Variants in VWA8 observed in about 807,000 individuals in gnomAD.
VWA8 encodes von Willebrand factor A domain-containing protein 8.
VWA8 carries 221 observed loss-of-function variants against 241.5 expected under a neutral mutation model. The ratio of observed to expected loss-of-function variants is 0.91; its 90% confidence interval spans 0.82 to 1.02. VWA8 has a LOEUF of 1.02. VWA8 is among the 50% of genes least tolerant of loss of function. The pLI is 0.00. For missense variants in VWA8, 2,322 were observed against 2,328.7 expected (o/e 1.00, Z 0.06); for synonymous variants, 852 against 827.1 (o/e 1.03, Z -0.52).
At chr13:41,764,184 A>G (rs2045762812) in intron 20 of VWA8, among the ~76,000 whole-genome samples, 2 of 152,194 alleles carry the variant, frequency 1.3e-5, no homozygotes, top group Admixed American at 1.3e-4. Flanking sequence ...AAAGAATGCT[A>G]GAAGATTTTT....
intron 9 of VWA8, among the ~76,000 whole-genome samples, chr13:41,881,881 C>T (rs1433384071): frequency 4.9e-5 from 7 of 143,980 alleles, no homozygotes; most frequent in East Asian, 2.2e-4. Flanking sequence ...CCCTCCCGGA[C>T]GGGGCGGCTG....
At chr13:41,763,002 T>G (rs564034844) in intron 20 of VWA8, among the ~76,000 whole-genome samples, 1 of 152,154 alleles carries the variant, frequency 6.6e-6, no homozygotes, top group East Asian at 1.9e-4. Flanking sequence ...GGCGCATGAC[T>G]CACACCAGTA....
intron 20 of VWA8, 68 bp from the exon 21 acceptor site, chr13:41,761,272 G>T: frequency 1.3e-6 from 2 of 1,481,986 alleles, no homozygotes; most frequent in Non-Finnish European, 1.9e-6. Flanking sequence ...TGCCAAATCA[G>T]AAGAATCTTT....
At chr13:41,791,114 G>GT (rs201603955) in intron 17 of VWA8, among the ~76,000 whole-genome samples, 9,356 of 149,778 alleles carry the variant, frequency 0.062, 357 homozygotes, top group East Asian at 0.11. Flanking sequence ...TATAAAATGA[G>GT]TTTTTTTTTT....
At chr13:41,859,894 A>G (rs552139650) in intron 12 of VWA8, among the ~76,000 whole-genome samples, 1 of 152,346 alleles carries the variant, frequency 6.6e-6, no homozygotes, top group South Asian at 2.1e-4. Flanking sequence ...AAGTCTCCAC[A>G]TCTTCTAGGA....
intron 37 of VWA8, among the ~76,000 whole-genome samples, chr13:41,666,548 G>C (rs2044987654): frequency 1.3e-5 from 2 of 152,048 alleles, no homozygotes; most frequent in African/African-American, 2.4e-5. Context: ...AAATACTTAG[G>C]AATTTTTCAA....
intron 40 of VWA8, among the ~76,000 whole-genome samples, chr13:41,593,797 C>A (rs1051238595): frequency 1.3e-5 from 2 of 152,064 alleles, no homozygotes; most frequent in Non-Finnish European, 2.9e-5. Context: ...ACTGGGAAAA[C>A]CAGCACTGAA....
rs553223845 is a variant in VWA8 at position 41,949,328 on chromosome 13, A to T, written c.241+608T>A. Among the ~76,000 whole-genome samples, 9 of 152,290 alleles carry T rather than the reference A, an allele frequency of 5.9e-5. No homozygotes were observed. In the South Asian group the frequency reaches 1.9e-3, roughly 32 times the overall value. On this transcript the variant is annotated intron_variant, in intron 2 of 44. Coordinates refer to ENST00000379310, the MANE Select transcript of VWA8 (RefSeq NM_015058.2). ...TGATGAGTTCATGTCCTTTGCAGGG[A>T]CATGGATGAAACTGGAAACCATCAT...
Position 41,908,231 on chromosome 13 carries a change from C to T in VWA8, c.373-535G>A, listed in dbSNP as rs577164995. ...CTGTAATCCCAGCACTTTGGGAGGC[C>T]GAAGTGGGCAGATCACTTGAGGTCA... On this transcript the variant is annotated intron_variant, in intron 3 of 44. Transcript: ENST00000379310. Among the ~76,000 whole-genome samples the T allele has an allele frequency of 4.0e-4, 61 of 152,196 alleles. 1 individual carries two copies. In the South Asian group the frequency reaches 0.012, roughly 31 times the overall value.
intron 39 of VWA8, among the ~76,000 whole-genome samples, chr13:41,610,732 T>A (rs904348910): frequency 1.3e-5 from 2 of 152,252 alleles, no homozygotes; most frequent in Admixed American, 1.3e-4. Flanking sequence ...CCCAAACTAC[T>A]ACCAGGTCCT....
chr13:41,908,191 C>G (rs188702914), intron 3 of VWA8, among the ~76,000 whole-genome samples: 6 of 152,250 alleles, frequency 3.9e-5, no homozygotes, highest in Admixed American at 3.9e-4. Flanking sequence ...ATCAGCTGGG[C>G]GCTGTGGCTC....
intron 12 of VWA8, among the ~76,000 whole-genome samples, chr13:41,835,547 C>T (rs536933530): frequency 3.6e-4 from 55 of 152,210 alleles, no homozygotes; most frequent in African/African-American, 1.3e-3. Flanking sequence ...GAGACAGTCA[C>T]GACATTCCTC....
intron 37 of VWA8, among the ~76,000 whole-genome samples, chr13:41,619,426 T>C (rs1440708258): frequency 6.6e-6 from 1 of 152,224 alleles, no homozygotes; most frequent in African/African-American, 2.4e-5. Context: ...CAGGGACAAT[T>C]TGACTTCCTC....
intron 37 of VWA8, among the ~76,000 whole-genome samples, chr13:41,648,598 T>G (rs2044848233): frequency 6.6e-6 from 1 of 152,220 alleles, no homozygotes; most frequent in South Asian, 2.1e-4. Context: ...TAAAAGGTCC[T>G]GAACAATAGC....
intron 17 of VWA8, among the ~76,000 whole-genome samples, chr13:41,794,929 CA>C (rs1166863390): frequency 6.6e-6 from 1 of 151,702 alleles, no homozygotes; most frequent in Non-Finnish European, 1.5e-5. Flanking sequence ...GCAATTGCAT[CA>C]AAAGAAAAAA....
rs1017994312 is a variant in VWA8 at position 41,865,354 on chromosome 13, A to G, written c.1425+382T>C. 5 of 376,352 alleles carry G rather than the reference A, an allele frequency of 1.3e-5. No homozygotes were observed. In the East Asian group the frequency reaches 2.7e-4, roughly 20 times the overall value. The allele number at this position is 376,352 out of a possible 1,614,324, so 23.3% of individuals were successfully genotyped here. A position where few individuals can be genotyped will look rare whatever the true frequency, so the allele number is the denominator to read the frequency against. On this transcript the variant is annotated intron_variant, in intron 12 of 44. Transcript: ENST00000379310. ...TATTAACTACTAGCTATTTTAAAATATACAATAGATTATTGTCTACTATAG... is the reference window on the plus strand; with the variant it reads ...TATTAACTACTAGCTATTTTAAAATGTACAATAGATTATTGTCTACTATAG...
chr13:41,792,244 AT>A (rs59656678), intron 17 of VWA8, among the ~76,000 whole-genome samples: 9,285 of 151,914 alleles, frequency 0.061, 352 homozygotes, highest in East Asian at 0.11. Flanking sequence ...TGCTTTCTTA[AT>A]CAAAAATCAT....
chr13:41,639,236 C>G (rs763464379), intron 37 of VWA8, among the ~76,000 whole-genome samples: 56 of 151,668 alleles, frequency 3.7e-4, no homozygotes, highest in Non-Finnish European at 6.5e-4. Context: ...GGAGCATAAC[C>G]ATCTATTTGG....
At chr13:41,595,482 A>G (rs1272214675) in intron 40 of VWA8, among the ~76,000 whole-genome samples, 1 of 152,154 alleles carries the variant, frequency 6.6e-6, no homozygotes, top group African/African-American at 2.4e-5. Context: ...TTAATCATCC[A>G]CACCGCCTAA....
Sources: allele counts gnomAD v4.1 joint callset (sites outside exome capture counted in the v4.1 genomes callset), GRCh38; gene constraint gnomAD v4.1.1; transcripts MANE v1.5; gene names NCBI Gene and HGNC (gene_info 2026-07-23, HGNC 2026-07-21).